The following CCDC91 variants were observed in gnomAD, a reference collection of about 807,000 sequenced individuals.
CCDC91 encodes the protein coiled-coil domain containing 91, also known as coiled-coil domain-containing protein 91.
A neutral mutation model predicts 63.2 loss-of-function variants in CCDC91; 48 were observed. That is an observed-to-expected ratio of 0.76 (90% CI 0.60 to 0.97). The LOEUF (loss-of-function observed/expected upper bound fraction) is 0.97, where lower values mean the gene tolerates loss of function less well. Among genes scored for constraint, CCDC91 ranks in the 50% least tolerant of loss-of-function variants. The probability of loss-of-function intolerance (pLI) is 0.00; values close to 1 mark genes in which losing one functional copy is unlikely to be tolerated. For missense variants in CCDC91, 500 were observed against 494.6 expected, an observed-to-expected ratio of 1.01 and a Z score of -0.10; for synonymous variants, 167 against 165.8, an observed-to-expected ratio of 1.01 and a Z score of -0.06.
Position 28,363,531 on chromosome 12 carries a change from C to G in CCDC91, c.654+1016C>G, listed in dbSNP as rs140233794. Reference sequence around the variant, plus strand: ...TTTTGTGTTGTTGATTAAACTTCCTCACTAGACTTGTTAGAAGTTAATGTC... The same window carrying G: ...TTTTGTGTTGTTGATTAAACTTCCTGACTAGACTTGTTAGAAGTTAATGTC... On this transcript the variant is annotated intron_variant, in intron 7 of 12. Transcript: ENST00000536442. Among the ~76,000 whole-genome samples, 15 of 152,278 alleles carry G rather than the reference C, an allele frequency of 9.9e-5. No individual in the cohort carries two copies. In the East Asian group the frequency reaches 2.9e-3, roughly 29 times the overall value.
At chr12:28,242,106 T>G (rs1433969082) in intron 1 of CCDC91, among the ~76,000 whole-genome samples, 1 of 152,082 alleles carries the variant, frequency 6.6e-6, no homozygotes, top group Non-Finnish European at 1.5e-5. Flanking sequence ...TACTGTCATA[T>G]TTTTCTTCTA....
At chr12:28,327,483 C>CTA (rs1460198840) in intron 6 of CCDC91, among the ~76,000 whole-genome samples, 2 of 152,096 alleles carry the variant, frequency 1.3e-5, no homozygotes, top group African/African-American at 2.4e-5. Context: ...CTTCCTTGCA[C>CTA]TATGTAAATG....
At chr12:28,466,347 C>G (rs1483809147) in intron 11 of CCDC91, among the ~76,000 whole-genome samples, 1 of 152,034 alleles carries the variant, frequency 6.6e-6, no homozygotes, top group African/African-American at 2.4e-5. Context: ...TATCAGTATC[C>G]AAGCCCAAAA....
chr12:28,486,694 A>G (rs1309684424), intron 12 of CCDC91, among the ~76,000 whole-genome samples: 1 of 152,080 alleles, frequency 6.6e-6, no homozygotes, highest in Non-Finnish European at 1.5e-5. Context: ...AAGAGCTGAC[A>G]ATGAACTCTG....
At chr12:28,523,437 C>A (rs1453719792) in intron 12 of CCDC91, among the ~76,000 whole-genome samples, 2 of 152,210 alleles carry the variant, frequency 1.3e-5, no homozygotes, top group East Asian at 1.9e-4. Flanking sequence ...GTAGATCTTC[C>A]TCCATCCCTT....
In CCDC91 at chr12:28,417,640, T is replaced by TATACACACACACACACACATAC. The variant is rs57507827; in HGVS notation, c.762+26230_762+26231insTACACACACACACACACATACA. On this transcript the variant is annotated intron_variant, in intron 8 of 12. Coordinates refer to ENST00000536442, the MANE Select transcript of CCDC91 (RefSeq NM_018318.5). ...TTTGAGATATATATATATATATATA[T>TATACACACACACACACACATAC]ACACACACACACACATTGTTAAATG... Among the ~76,000 whole-genome samples the TATACACACACACACACACATAC allele has an allele frequency of 1.9e-3, 218 of 112,144 alleles. 3 individuals carry two copies. In the South Asian group the frequency reaches 0.025, roughly 13 times the overall value. The allele number at this position is 112,144 out of a possible 152,430, so 73.6% of individuals were successfully genotyped here.
intron 1 of CCDC91, chr12:28,236,507 T>C (rs1349107566): frequency 6.6e-6 from 1 of 152,032 alleles, no homozygotes; most frequent in Non-Finnish European, 1.5e-5. Flanking sequence ...TTTCTTCATA[T>C]AAAATAAAAT....
chr12:28,449,408 G>A (rs1949689744), intron 8 of CCDC91, among the ~76,000 whole-genome samples: 1 of 151,824 alleles, frequency 6.6e-6, no homozygotes, highest in Non-Finnish European at 1.5e-5. Context: ...TTTTAGTTTT[G>A]TTTCCACATC....
chr12:28,498,315 C>G (rs1417575000), intron 12 of CCDC91, among the ~76,000 whole-genome samples: 2 of 151,528 alleles, frequency 1.3e-5, no homozygotes, highest in African/African-American at 2.4e-5. Context: ...TTCCAGTACT[C>G]AAAAGGAAAC....
chr12:28,240,919 A>C (rs116777630), intron 1 of CCDC91, among the ~76,000 whole-genome samples: 3 of 152,164 alleles, frequency 2.0e-5, no homozygotes, highest in Non-Finnish European at 2.9e-5. Context: ...GGAGGTATAT[A>C]TTTAATTCTT....
intron 7 of CCDC91, among the ~76,000 whole-genome samples, chr12:28,377,422 C>G (rs773611074): frequency 1.3e-5 from 2 of 151,514 alleles, no homozygotes; most frequent in Non-Finnish European, 3.0e-5. Flanking sequence ...AGAAAAATAG[C>G]CTGAAAAAGG....
chr12:28,323,687 G>C (rs1940728607), intron 6 of CCDC91, among the ~76,000 whole-genome samples: 1 of 151,882 alleles, frequency 6.6e-6, no homozygotes, highest in African/African-American at 2.4e-5. Context: ...ATGTATAGAT[G>C]CAAAATTGAC....
intron 11 of CCDC91, among the ~76,000 whole-genome samples, chr12:28,472,112 A>G (rs1950849828): frequency 6.6e-6 from 1 of 151,700 alleles, no homozygotes; most frequent in Admixed American, 6.6e-5. Context: ...CTGTTTTGAA[A>G]CCCTCTTCAG....
intron 6 of CCDC91, among the ~76,000 whole-genome samples, chr12:28,353,921 G>A (rs1238400633): frequency 1.3e-5 from 2 of 152,038 alleles, no homozygotes; most frequent in South Asian, 2.1e-4. Context: ...GGAGGGAGAG[G>A]ATCAGGAAAA....
At chr12:28,318,258 A>T (rs1197687635) in intron 6 of CCDC91, among the ~76,000 whole-genome samples, 1 of 151,810 alleles carries the variant, frequency 6.6e-6, no homozygotes. Context: ...ACGGTGGTTC[A>T]TATCTGTAAT....
intron 6 of CCDC91, among the ~76,000 whole-genome samples, chr12:28,310,268 A>C (rs1939181947): frequency 6.6e-6 from 1 of 152,134 alleles, no homozygotes; most frequent in South Asian, 2.1e-4. Context: ...CAGTTTTTCC[A>C]TCTATAAATG....
chr12:28,533,789 C>T (rs1275512647), intron 12 of CCDC91, among the ~76,000 whole-genome samples: 1 of 150,686 alleles, frequency 6.6e-6, no homozygotes, highest in Non-Finnish European at 1.5e-5. Context: ...TTTTAAATGT[C>T]GTTTTGCTGC....
At chr12:28,333,903 G>A (rs1043503892) in intron 6 of CCDC91, among the ~76,000 whole-genome samples, 1 of 152,118 alleles carries the variant, frequency 6.6e-6, no homozygotes, top group Non-Finnish European at 1.5e-5. Context: ...CTCTGTTGAA[G>A]ATCTTTTTGT....
chr12:28,480,116 C>T (rs1241664897), intron 11 of CCDC91, among the ~76,000 whole-genome samples: 1 of 151,970 alleles, frequency 6.6e-6, no homozygotes, highest in African/African-American at 2.4e-5. Flanking sequence ...AAGCCTGAAA[C>T]ATATACTCAG....
Sources: allele counts gnomAD v4.1 joint callset (sites outside exome capture counted in the v4.1 genomes callset), GRCh38; gene constraint gnomAD v4.1.1; transcripts MANE v1.5; gene names NCBI Gene and HGNC (gene_info 2026-07-23, HGNC 2026-07-21).